Variants in LRBA observed in about 807,000 individuals in gnomAD.
LRBA encodes the protein lipopolysaccharide-responsive and beige-like anchor protein.
In LRBA, 176 loss-of-function variants were observed where a neutral mutation model predicts 330.0. That is an observed-to-expected ratio of 0.53 (90% CI 0.47 to 0.60). The LOEUF (loss-of-function observed/expected upper bound fraction) is 0.60. LRBA is among the 20% of genes least tolerant of loss of function. LRBA has a pLI of 0.00. For synonymous variants in LRBA, 1,230 were observed against 1,193.0 expected, an observed-to-expected ratio of 1.03 and a Z score of -0.64; for missense variants, 3,259 against 3,444.8, an observed-to-expected ratio of 0.95 and a Z score of 1.35.
intron 37 of LRBA, among the ~76,000 whole-genome samples, chr4:150,656,387 T>C (rs182866807): frequency 1.1e-4 from 17 of 152,202 alleles, no homozygotes; most frequent in Non-Finnish European, 2.1e-4. Context: ...AGAGAAGGCT[T>C]ATTTTGTTTG....
intron 37 of LRBA, among the ~76,000 whole-genome samples, chr4:150,637,376 G>C (rs550651823): frequency 2.0e-4 from 30 of 152,212 alleles, no homozygotes; most frequent in African/African-American, 6.5e-4. Context: ...ACTGAATTTT[G>C]TTGTGCTTTT....
chr4:150,931,598 T>C (rs2149512982), intron 2 of LRBA, among the ~76,000 whole-genome samples: 1 of 144,500 alleles, frequency 6.9e-6, no homozygotes, highest in East Asian at 2.0e-4. Context: ...TGTCTCCATA[T>C]TCAAAAAAAA....
intron 53 of LRBA, among the ~76,000 whole-genome samples, chr4:150,289,716 T>G (rs1042325056): frequency 1.3e-5 from 2 of 152,230 alleles, no homozygotes; most frequent in African/African-American, 4.8e-5. Context: ...CTGTACAGAT[T>G]GAGCATTCTT....
intron 36 of LRBA, among the ~76,000 whole-genome samples, chr4:150,731,083 A>G (rs1730389969): frequency 6.6e-6 from 1 of 152,158 alleles, no homozygotes; most frequent in South Asian, 2.1e-4. Flanking sequence ...AATCAAAAGT[A>G]CCATGAGATA....
At chr4:150,869,031 T>C (rs1398035148) in intron 20 of LRBA, among the ~76,000 whole-genome samples, 1 of 152,166 alleles carries the variant, frequency 6.6e-6, no homozygotes, top group Non-Finnish European at 1.5e-5. Flanking sequence ...ATTTATGGTA[T>C]GCACACACAG....
At chr4:150,884,932 G>T (rs1389798022) in intron 17 of LRBA, among the ~76,000 whole-genome samples, 1 of 151,928 alleles carries the variant, frequency 6.6e-6, no homozygotes, top group Non-Finnish European at 1.5e-5. Context: ...ATAATTGAAT[G>T]AAACAGATTA....
At chr4:150,912,451 C>T (rs1184983789) in intron 9 of LRBA, among the ~76,000 whole-genome samples, 4 of 152,180 alleles carry the variant, frequency 2.6e-5, no homozygotes, top group Non-Finnish European at 4.4e-5. Flanking sequence ...CGGATGGAAC[C>T]GTCTAGTTGC....
At chr4:151,001,059 C>T (rs909180975) in intron 2 of LRBA, among the ~76,000 whole-genome samples, 17 of 152,106 alleles carry the variant, frequency 1.1e-4, no homozygotes, top group African/African-American at 4.1e-4. Context: ...GCAACAGCAC[C>T]ACTCCACTGA....
At chr4:150,979,997 GA>G (rs1740660090) in intron 2 of LRBA, among the ~76,000 whole-genome samples, 1 of 152,050 alleles carries the variant, frequency 6.6e-6, no homozygotes, top group Admixed American at 6.6e-5. Flanking sequence ...GATACCAAAA[GA>G]GACAAAGACA....
At chr4:150,647,185 A>G (rs1378806946) in intron 37 of LRBA, among the ~76,000 whole-genome samples, 1 of 151,990 alleles carries the variant, frequency 6.6e-6, no homozygotes, top group Admixed American at 6.6e-5. Flanking sequence ...AGAATATGTC[A>G]ATATGTGTAT....
chr4:150,950,645 C>T (rs972686282), intron 2 of LRBA, among the ~76,000 whole-genome samples: 2 of 151,532 alleles, frequency 1.3e-5, no homozygotes, highest in African/African-American at 4.8e-5. Context: ...GGAGATTTAT[C>T]AGATGTGAAA....
chr4:150,611,899 C>T (rs1233287436), intron 37 of LRBA, among the ~76,000 whole-genome samples: 6 of 152,082 alleles, frequency 3.9e-5, no homozygotes, highest in Non-Finnish European at 8.8e-5. Context: ...TACGCGCTCT[C>T]TCTCTCTCTT....
intron 40 of LRBA, among the ~76,000 whole-genome samples, chr4:150,575,440 A>C (rs2152289594): frequency 6.6e-6 from 1 of 152,090 alleles, no homozygotes; most frequent in South Asian, 2.1e-4. Flanking sequence ...CAGATGATCA[A>C]TGCCAAATTA....
chr4:150,750,078 T>G (rs17027065), intron 35 of LRBA, among the ~76,000 whole-genome samples: 13,919 of 152,234 alleles, frequency 0.091, 1,119 homozygotes, highest in African/African-American at 0.21. Flanking sequence ...CTACTTCTCT[T>G]CATTCAAACT....
intron 44 of LRBA, among the ~76,000 whole-genome samples, chr4:150,465,486 G>T (rs757835686): frequency 6.6e-6 from 1 of 152,042 alleles, no homozygotes; most frequent in Non-Finnish European, 1.5e-5. Context: ...GCATGCACAA[G>T]GGTTCCAATT....
At chr4:150,650,790 AC>A (rs1416531534) in intron 37 of LRBA, among the ~76,000 whole-genome samples, 1 of 152,086 alleles carries the variant, frequency 6.6e-6, no homozygotes, top group Non-Finnish European at 1.5e-5. Flanking sequence ...AGACAAAAAG[AC>A]CAAAAAAAAA....
intron 30 of LRBA, among the ~76,000 whole-genome samples, chr4:150,827,572 A>G (rs1376890530): frequency 6.8e-6 from 1 of 147,812 alleles, no homozygotes; most frequent in Non-Finnish European, 1.5e-5. Context: ...ACAGTAATAT[A>G]TTTTTTTCTT....
At chr4:150,975,637 T>TA (rs1042806612) in intron 2 of LRBA, among the ~76,000 whole-genome samples, 3 of 151,624 alleles carry the variant, frequency 2.0e-5, no homozygotes, top group African/African-American at 7.3e-5. Flanking sequence ...AACTGAGAAG[T>TA]AAAAAATCTA....
rs569805577 is a variant in LRBA at position 150,384,453 on chromosome 4, T to C, written c.7194+30985A>G. ...GAATGTGAAAAGCAGATCCTCTTCT[T>C]TCCTGATCCTCCTTTCTTATGCTCT... On this transcript the variant is annotated intron_variant, in intron 47 of 56. Transcript: ENST00000651943. Among the ~76,000 whole-genome samples the C allele has an allele frequency of 3.3e-5, 5 of 152,332 alleles. No individual in the cohort carries two copies. The South Asian group carries it at 8.3e-4, about 25-fold the overall frequency.
Sources: gnomAD v4.1 joint callset for allele counts (sites outside exome capture counted in the v4.1 genomes callset) on GRCh38, gnomAD v4.1.1 for gene constraint, MANE v1.5 for transcripts, NCBI Gene and HGNC (gene_info 2026-07-23, HGNC 2026-07-21) for gene names.